Variants in MYO16 observed in about 807,000 individuals in gnomAD.
MYO16 encodes myosin XVI, also known as unconventional myosin-XVI.
In MYO16, 94 loss-of-function variants were observed where a neutral mutation model predicts 205.3. That is an observed-to-expected ratio of 0.46 (90% CI 0.39 to 0.54). MYO16 has a LOEUF of 0.54. Among genes scored for constraint, MYO16 ranks in the 20% least tolerant of loss-of-function variants. The pLI is 0.00. For missense variants in MYO16, 2,315 were observed against 2,387.5 expected (o/e 0.97, Z 0.63); for synonymous variants, 988 against 954.0 (o/e 1.04, Z -0.66).
chr13:108,984,209 A>G (rs1265209766), intron 20 of MYO16, among the ~76,000 whole-genome samples: 2 of 152,144 alleles, frequency 1.3e-5, no homozygotes, highest in African/African-American at 4.8e-5. Flanking sequence ...ATGGGTCCTG[A>G]GGTCTTAGGA....
intron 7 of MYO16, among the ~76,000 whole-genome samples, chr13:108,810,031 T>C (rs1387154868): frequency 6.6e-6 from 1 of 152,234 alleles, no homozygotes; most frequent in Non-Finnish European, 1.5e-5. Flanking sequence ...CGTGTCCTGA[T>C]CCATTGATGG....
chr13:109,115,410 T>G (rs973573229), intron 28 of MYO16, among the ~76,000 whole-genome samples: 3 of 152,150 alleles, frequency 2.0e-5, no homozygotes, highest in African/African-American at 7.2e-5. Flanking sequence ...AATTCACAGA[T>G]GGTTTACTTT....
At chr13:109,153,265 G>A (rs1447874662) in intron 32 of MYO16, among the ~76,000 whole-genome samples, 1 of 152,162 alleles carries the variant, frequency 6.6e-6, no homozygotes, top group Non-Finnish European at 1.5e-5. Context: ...CAAAGAGAAA[G>A]CATCAGAACA....
At chr13:108,834,950 A>G (rs1876824305) in intron 9 of MYO16, among the ~76,000 whole-genome samples, 1 of 152,166 alleles carries the variant, frequency 6.6e-6, no homozygotes, top group Non-Finnish European at 1.5e-5. Flanking sequence ...AAAGAAAGAG[A>G]GAAACCTAAA....
chr13:108,899,704 C>T (rs1594380538), intron 15 of MYO16, among the ~76,000 whole-genome samples: 2 of 152,150 alleles, frequency 1.3e-5, no homozygotes, highest in African/African-American at 4.8e-5. Flanking sequence ...ACAGTTTTCC[C>T]CCTGAGCTCT....
intron 20 of MYO16, among the ~76,000 whole-genome samples, chr13:108,968,247 C>T (rs1190684892): frequency 2.6e-5 from 4 of 152,024 alleles, no homozygotes; most frequent in East Asian, 1.9e-4. Context: ...CATGGTCTTT[C>T]GATGAGGGGG....
intron 20 of MYO16, among the ~76,000 whole-genome samples, chr13:108,970,445 T>G (rs1883965473): frequency 6.6e-6 from 1 of 152,194 alleles, no homozygotes; most frequent in African/African-American, 2.4e-5. Flanking sequence ...CTATGGACGC[T>G]TTAATCCTGA....
At chr13:108,679,577 G>A (rs1041564733) in intron 2 of MYO16, among the ~76,000 whole-genome samples, 1 of 151,744 alleles carries the variant, frequency 6.6e-6, no homozygotes, top group South Asian at 2.1e-4. Flanking sequence ...ACCTGGTTGT[G>A]GCCATCATAA....
At chr13:108,905,931 G>A (rs772684179) in intron 15 of MYO16, among the ~76,000 whole-genome samples, 5 of 152,096 alleles carry the variant, frequency 3.3e-5, no homozygotes, top group Non-Finnish European at 4.4e-5. Context: ...TGCTTGACTC[G>A]AAGCTCTGAT....
intron 32 of MYO16, among the ~76,000 whole-genome samples, chr13:109,151,275 C>A (rs1877648508): frequency 6.6e-6 from 1 of 152,172 alleles, no homozygotes; most frequent in South Asian, 2.1e-4. Context: ...GCTTCTCAGG[C>A]CTTTACTGAC....
intron 19 of MYO16, 61 bp downstream of exon 19, chr13:108,962,556 C>A: frequency 8.3e-7 from 1 of 1,203,972 alleles, no homozygotes; most frequent in Non-Finnish European, 1.2e-6. Context: ...AAATTAAATA[C>A]AGTTTGACTT....
chr13:108,589,099 C>A, the MYO16 span, among the ~76,000 whole-genome samples: 2 of 152,106 alleles, frequency 1.3e-5, no homozygotes, highest in East Asian at 1.9e-4. Context: ...AGTGGTGAGG[C>A]GGACTAAATT....
In MYO16 at chr13:108,909,998, A is replaced by G; in HGVS notation, c.1778-5A>G. ...TAACAGAATCACTTTTCTTTTCCCA[A>G]CCAGCCAGAATTTATACATATTTGC... On this transcript the variant is annotated splice_region_variant and splice_polypyrimidine_tract_variant and intron_variant, in intron 15 of 34. Coordinates refer to ENST00000457511, the MANE Select transcript of MYO16 (RefSeq NM_001198950.3). The G allele has an allele frequency of 6.2e-7, 1 of 1,609,186 alleles. No individual in the cohort carries two copies.
At chr13:108,639,211 C>T (rs1880392721) in intron 1 of MYO16, among the ~76,000 whole-genome samples, 1 of 152,022 alleles carries the variant, frequency 6.6e-6, no homozygotes, top group Admixed American at 6.6e-5. Flanking sequence ...CTTGAAATAG[C>T]CCAGGTGACA....
chr13:108,927,695 G>A (rs1165422637), intron 16 of MYO16, among the ~76,000 whole-genome samples: 3 of 152,264 alleles, frequency 2.0e-5, no homozygotes, highest in Non-Finnish European at 4.4e-5. Flanking sequence ...CGGACGGACA[G>A]ACATGGCTCT....
At chr13:109,099,140 C>G (rs1369889538) in intron 27 of MYO16, among the ~76,000 whole-genome samples, 2 of 152,146 alleles carry the variant, frequency 1.3e-5, no homozygotes, top group East Asian at 3.9e-4. Flanking sequence ...ACGTCTTGAA[C>G]CACCACTGCA....
At chr13:108,571,811 A>T in the MYO16 span, among the ~76,000 whole-genome samples, 13 of 150,814 alleles carry the variant, frequency 8.6e-5, no homozygotes, top group African/African-American at 2.9e-4. Context: ...GTGAGTTCCC[A>T]TGTGTGTCTT....
Position 108,928,958 on chromosome 13 carries a change from A to C in MYO16, c.1925+18808A>C, listed in dbSNP as rs151306423. Among the ~76,000 whole-genome samples, 399 of 152,342 alleles carry C rather than the reference A, an allele frequency of 2.6e-3. 3 individuals carry two copies. The highest frequency in any genetic ancestry group is 9.0e-3 in the African/African-American group (376 of 41,578). On this transcript the variant is annotated intron_variant, in intron 16 of 34. Transcript: ENST00000457511. ...CATATTTTCCCTCCATAATGTAATA[A>C]AATTAGAAACTAAATACAGAAGTAA... is the stretch of plus-strand genomic sequence containing the variant.
chr13:108,857,718 G>A (rs1594348702), intron 11 of MYO16, among the ~76,000 whole-genome samples: 2 of 152,302 alleles, frequency 1.3e-5, no homozygotes, highest in South Asian at 2.1e-4. Context: ...TTAACAAAAT[G>A]GAGTTCGTTA....
Sources: gnomAD v4.1 joint callset for allele counts (sites outside exome capture counted in the v4.1 genomes callset) on GRCh38, gnomAD v4.1.1 for gene constraint, MANE v1.5 for transcripts, NCBI Gene and HGNC (gene_info 2026-07-23, HGNC 2026-07-21) for gene names.